Variants in CD1E observed in about 807,000 individuals in gnomAD.
CD1E encodes the protein T-cell surface glycoprotein CD1e, membrane-associated.
CD1E carries 49 observed loss-of-function variants against 40.1 expected under a neutral mutation model. The ratio of observed to expected loss-of-function variants is 1.22; its 90% CI spans 0.97 to 1.55. The LOEUF is 1.55. CD1E is among the 40% of genes most tolerant of loss of function. The probability of loss-of-function intolerance (pLI) is 0.00; values close to 1 mark genes in which losing one functional copy is unlikely to be tolerated. For missense variants in CD1E, 492 were observed against 471.3 expected (o/e 1.04, Z -0.41); for synonymous variants, 189 against 178.3 (o/e 1.06, Z -0.48).
chr1:158,354,120 TG>T, intron 1 of CD1E, 74 bp downstream of exon 1: 17 of 1,321,466 alleles, frequency 1.3e-5, no homozygotes, highest in Non-Finnish European at 1.6e-5. Context: ...GGGGAGGTCC[TG>T]GGGGAAGGGA....
chr1:158,354,230 G>A, intron 1 of CD1E, 147 bp from the exon 2 acceptor site: 2 of 954,290 alleles, frequency 2.1e-6, no homozygotes, highest in Admixed American at 4.6e-5. Context: ...TGATTTTGGA[G>A]AAAGGAAGCT....
At position 158,353,959 on chromosome 1, in the gene CD1E, C is replaced by A. The variant is rs183557427; in HGVS notation, c.-30C>A. On this transcript the variant is annotated 5_prime_UTR_variant, in exon 1 of 6. Coordinates refer to ENST00000368167, the MANE Select transcript of CD1E (RefSeq NM_030893.4). ...CTGAATTATTAGGGCAGGTGTCCTG[C>A]CAAGGAATCCCTCCTTTAACAGAGC... is the stretch of plus-strand genomic sequence containing the variant. 4.6e-5 allele frequency: 73 copies of A among 1,600,692 alleles called. No homozygotes were observed. Among genetic ancestry groups the A allele is most frequent in the Middle Eastern group, 1.7e-4 (1 of 6,056 alleles).
At chr1:158,355,607 A>G in intron 3 of CD1E, 38 bp downstream of exon 3, 2 of 1,582,884 alleles carry the variant, frequency 1.3e-6, no homozygotes, top group Non-Finnish European at 1.7e-6. Context: ...TGTTCCTAGT[A>G]CTATAACTCT....
chr1:158,355,435 G>A lies in CD1E; in HGVS notation c.491G>A (p.Arg164Gln), dbSNP rs779422204. The change falls in exon 3 of 6, where the codon CGG (arginine) becomes CAG (glutamine). Residue 164 changes from arginine to glutamine, a missense_variant. Arg to Gln is a conservative substitution (Grantham distance 43, BLOSUM62 1). Coordinates refer to ENST00000368167, the MANE Select transcript of CD1E (RefSeq NM_030893.4). ...GAGCCATCTCCAGGAGCAGGGATCC[G>A]GGCCCAGAACATCTGTAAAGTGCTC... ...SWEPSPGAGI[R>Q]AQNICKVLNR... The A allele has an allele frequency of 3.0e-5, 48 of 1,613,960 alleles. No homozygotes were observed. Among genetic ancestry groups the A allele is most frequent in the African/African-American group, 4.0e-5 (3 of 74,862 alleles).
intron 4 of CD1E, 103 bp downstream of exon 4, chr1:158,356,208 T>C: frequency 7.6e-7 from 1 of 1,316,280 alleles, no homozygotes; most frequent in Non-Finnish European, 1.0e-6. Flanking sequence ...ACAAGAAGGG[T>C]AAAACTGGGA....
chr1:158,355,543 C>T lies in CD1E; in HGVS notation c.599C>T (p.Ala200Val). 2 of 1,614,060 alleles carry T rather than the reference C, an allele frequency of 1.2e-6. No individual in the cohort carries two copies. Among genetic ancestry groups the T allele is most frequent in the Non-Finnish European group, 8.5e-7 (1 of 1,179,962 alleles). The change falls in exon 3 of 6, where the codon GCA becomes GTA. Residue 200 changes from alanine (A) to valine (V), a missense_variant. Physicochemically the swap from Ala to Val is moderately conservative, Grantham distance 64. Transcript: ENST00000368167. The part of the protein sequence containing the change: ...CPRFLAGLME[A>V]GESELKRKVK... Reference sequence around the variant, plus strand: ...CGATTTCTAGCGGGGCTCATGGAAGCAGGGGAGTCAGAACTGAAACGGAAA... The same window carrying T: ...CGATTTCTAGCGGGGCTCATGGAAGTAGGGGAGTCAGAACTGAAACGGAAA...
chr1:158,356,686 A>G, intron 5 of CD1E, 42 bp from the exon 6 acceptor site: 1 of 1,549,164 alleles, frequency 6.5e-7, no homozygotes, highest in South Asian at 1.2e-5. Context: ...TTTCCCCTTT[A>G]TTTCCTTTCT....
In CD1E at chr1:158,353,924, G is replaced by T. The variant is rs1653276455; in HGVS notation, c.-65G>T. ...AGAGTGCAAGAGGGTGTGGAGAGGG[G>T]TACTGATATCTGAATTATTAGGGCA... On this transcript the variant is annotated 5_prime_UTR_variant, in exon 1 of 6. Transcript: ENST00000368167. The T allele has an allele frequency of 7.8e-7, 1 of 1,280,120 alleles. No homozygotes were observed. The highest frequency in any genetic ancestry group is 1.5e-5 in the African/African-American group (1 of 67,980). The allele number at this position is 1,280,120 out of a possible 1,614,324, so 79.3% of individuals were successfully genotyped here. A position where few individuals can be genotyped will look rare whatever the true frequency, so the allele number is the denominator to read the frequency against.
Position 158,356,994 on chromosome 1 carries a change from C to G in CD1E, c.*98C>G, listed in dbSNP as rs1035329329. ...CATGCTTTTATTTAAACAGTTTATA[C>G]TAGCAAAGATACTGACCCCTTTAGG... is the stretch of plus-strand genomic sequence containing the variant. On this transcript the variant is annotated 3_prime_UTR_variant, in exon 6 of 6. Coordinates refer to ENST00000368167, the MANE Select transcript of CD1E (RefSeq NM_030893.4). 105 of 1,018,024 alleles carry G rather than the reference C, an allele frequency of 1.0e-4. No individual in the cohort carries two copies. Among genetic ancestry groups the G allele is most frequent in the Non-Finnish European group, 1.4e-4 (95 of 669,814 alleles). The allele number at this position is 1,018,024 out of a possible 1,614,324, so 63.1% of individuals were successfully genotyped here.
chr1:158,355,778 C>T (rs2101609623), intron 3 of CD1E, 49 bp from the exon 4 acceptor site: 1 of 1,558,048 alleles, frequency 6.4e-7, no homozygotes, highest in Non-Finnish European at 8.7e-7. Flanking sequence ...GAGCTCTGGC[C>T]TGGGGTGCCC....
Position 158,354,505 on chromosome 1 carries a change from C to A in CD1E, c.187C>A (p.Gln63Lys), listed in dbSNP as rs747039208. Residue 63 changes from glutamine to lysine, a missense_variant, in exon 2 of 6, where the codon CAG (glutamine) becomes AAG (lysine). Coordinates refer to ENST00000368167, the MANE Select transcript of CD1E (RefSeq NM_030893.4). ...SEGSGWLGDL[Q>K]THGWDTVLGT... is the part of the protein sequence containing the mutation. The stretch of plus-strand genomic sequence containing the variant: ...GGGCTCAGGATGGCTGGGTGACCTG[C>A]AGACTCATGGCTGGGACACTGTCTT... 4 of 1,614,012 alleles carry A rather than the reference C, an allele frequency of 2.5e-6. No individual in the cohort carries two copies. Among genetic ancestry groups the A allele is most frequent in the South Asian group, 2.2e-5 (2 of 91,074 alleles).
Position 158,354,525 on chromosome 1 carries a change from T to C in CD1E, c.207T>C (p.Thr69=), listed in dbSNP as rs762301359. Residue 69 remains threonine (T), a synonymous_variant, in exon 2 of 6, where the codon ACT becomes ACC. Transcript: ENST00000368167. ...ACCTGCAGACTCATGGCTGGGACAC[T>C]GTCTTGGGCACCATCCGCTTTCTGA... The part of the protein sequence containing the change: ...LGDLQTHGWD[T]VLGTIRFLKP... 21 of 1,614,034 alleles carry C rather than the reference T, an allele frequency of 1.3e-5. No individual in the cohort carries two copies. The highest frequency in any genetic ancestry group is 1.7e-5 in the Admixed American group (1 of 59,986).
rs753128759 is a variant in CD1E at position 158,353,983 on chromosome 1, G to A, written c.-6G>A. On this transcript the variant is annotated 5_prime_UTR_variant, in exon 1 of 6. Coordinates refer to ENST00000368167, the MANE Select transcript of CD1E (RefSeq NM_030893.4). ...GCCAAGGAATCCCTCCTTTAACAGA[G>A]CTTCAATGCTGCTCCTGTTCCTCCT... 1.2e-6 allele frequency: 2 copies of A among 1,613,714 alleles called. No homozygotes were observed. The highest frequency in any genetic ancestry group is 3.3e-5 in the Admixed American group (2 of 60,024).
Position 158,357,029 on chromosome 1 carries a change from T to C in CD1E, c.*133T>C. On this transcript the variant is annotated 3_prime_UTR_variant, in exon 6 of 6. Coordinates refer to ENST00000368167, the MANE Select transcript of CD1E (RefSeq NM_030893.4). ...TACTGACCCCTTTAGGAATACTTTT[T>C]CCCCATCTTCCAGAGATTTTTTTTT... 2 of 679,866 alleles carry C rather than the reference T, an allele frequency of 2.9e-6. No individual in the cohort carries two copies. The highest frequency in any genetic ancestry group is 4.8e-6 in the Non-Finnish European group (2 of 414,092). 42.1% of individuals were successfully genotyped at this position (679,866 alleles called of 1,614,324 possible).
Position 158,356,888 on chromosome 1 carries a change from C to T in CD1E, c.1159C>T (p.Leu387Phe), listed in dbSNP as rs1338148074. 1.9e-6 allele frequency: 3 copies of T among 1,613,884 alleles called. No individual in the cohort carries two copies. Among genetic ancestry groups the T allele is most frequent in the East Asian group, 4.5e-5 (2 of 44,870 alleles). The change falls in exon 6 of 6, where the codon CTC becomes TTC. Residue 387 changes from leucine (L) to phenylalanine (F), a missense_variant. Physicochemically the swap from Leu to Phe is conservative, Grantham distance 22 (BLOSUM62 0). Transcript: ENST00000368167. ...LKKWKTRLNQLW is the reference protein window; with the variant it reads ...LKKWKTRLNQFW ...GAAGTGGAAGACACGCCTAAACCAA[C>T]TCTGGTGACATTTGCTTTACCTTAT...
Position 158,356,532 on chromosome 1 carries a change from G to C in CD1E, c.939G>C (p.Leu313Phe). The stretch of plus-strand genomic sequence containing the variant: ...CCATCTTTCTCATCCTGATCTGTTT[G>C]ACTGTGATAGTTACCCTGGTCATAT... ...GYSIFLILIC[L>F]TVIVTLVILV... Residue 313 changes from leucine (L) to phenylalanine (F), a missense_variant, in exon 5 of 6, where the codon TTG (leucine) becomes TTC (phenylalanine). Transcript: ENST00000368167. 1 of 1,613,770 alleles carries C rather than the reference G, an allele frequency of 6.2e-7. No individual in the cohort carries two copies. Among genetic ancestry groups the C allele is most frequent in the Non-Finnish European group, 8.5e-7 (1 of 1,179,812 alleles).
At chr1:158,354,178 T>C in intron 1 of CD1E, 132 bp downstream of exon 1, 1 of 934,260 alleles carries the variant, frequency 1.1e-6, no homozygotes. Flanking sequence ...TCAGGCTAGT[T>C]CCAGGCAGAG....
chr1:158,355,808 T>C lies in CD1E; in HGVS notation c.626-19T>C, dbSNP rs777373793. 4.4e-6 allele frequency: 7 copies of C among 1,592,846 alleles called. No individual in the cohort carries two copies. The highest frequency in any genetic ancestry group is 2.2e-5 in the East Asian group (1 of 44,612). On this transcript the variant is annotated intron_variant, in intron 3 of 5. Coordinates refer to ENST00000368167, the MANE Select transcript of CD1E (RefSeq NM_030893.4). The stretch of plus-strand genomic sequence containing the variant: ...GTGCCCTTCAAAATTCCATTTTTTT[T>C]CTATCTTCTTCTTCCTAGTGAAGCC...
At chr1:158,356,172 T>G (rs1409661743) in intron 4 of CD1E, 67 bp downstream of exon 4, 11 of 1,563,024 alleles carry the variant, frequency 7.0e-6, no homozygotes, top group Non-Finnish European at 9.6e-6. Flanking sequence ...AGTGTGGGGC[T>G]GAGGAAATGG....
Sources: gnomAD v4.1 joint callset for allele counts on GRCh38, gnomAD v4.1.1 for gene constraint, MANE v1.5 for transcripts, NCBI Gene and HGNC (gene_info 2026-07-23, HGNC 2026-07-21) for gene names.